The following CCDC144A variants were observed in gnomAD, a reference collection of about 807,000 sequenced individuals.
The protein encoded by CCDC144A is coiled-coil domain containing 144A.
Under a neutral mutation model 143.8 loss-of-function variants are expected in CCDC144A, and 41 were observed. The ratio of observed to expected loss-of-function variants is 0.29; its 90% CI spans 0.22 to 0.37. CCDC144A has a LOEUF of 0.37. CCDC144A is among the 10% of genes least tolerant of loss of function. The pLI, the probability that CCDC144A is intolerant of heterozygous loss-of-function variation, is 1.00. For synonymous variants in CCDC144A, 242 were observed against 517.9 expected (o/e 0.47, Z 7.23); for missense variants, 637 against 1,488.8 (o/e 0.43, Z 9.41).
At chr17:16,771,184 T>C (rs561263149) in intron 15 of CCDC144A, among the ~76,000 whole-genome samples, 1 of 152,260 alleles carries the variant, frequency 6.6e-6, no homozygotes, top group Admixed American at 6.5e-5. Context: ...CTTTCATAAT[T>C]AAGTAGATAA....
chr17:16,761,192 G>T (rs1429108518), intron 12 of CCDC144A, among the ~76,000 whole-genome samples: 1 of 152,086 alleles, frequency 6.6e-6, no homozygotes, highest in Non-Finnish European at 1.5e-5. Context: ...AAAAAATTTA[G>T]CCAGGGGTGG....
chr17:16,730,841 A>G (rs1172594199), intron 9 of CCDC144A, among the ~76,000 whole-genome samples: 1 of 142,798 alleles, frequency 7.0e-6, no homozygotes, highest in Admixed American at 6.9e-5. Context: ...GTGTACATTG[A>G]TTTTGTAACA....
rs375692658 is a variant in CCDC144A at position 16,757,996 on chromosome 17, A to G, written c.3373-3429A>G. ...TATCAATTTCCTGCTGAATTCCAGT[A>G]TACTCTCTTTGATGTTTTCCTCAAG... On this transcript the variant is annotated intron_variant, in intron 12 of 16. Transcript: ENST00000399273. Among the ~76,000 whole-genome samples, 11 of 152,202 alleles carry G rather than the reference A, an allele frequency of 7.2e-5. No homozygotes were observed. In the East Asian group the frequency reaches 1.4e-3, roughly 19 times the overall value.
intron 8 of CCDC144A, among the ~76,000 whole-genome samples, chr17:16,726,694 G>A (rs1220423402): frequency 6.6e-6 from 1 of 152,040 alleles, no homozygotes; most frequent in East Asian, 1.9e-4. Context: ...ATCTGGGGCG[G>A]TTTTCTGGCA....
At chr17:16,716,987 G>C (rs1457099545) in intron 6 of CCDC144A, among the ~76,000 whole-genome samples, 1 of 150,760 alleles carries the variant, frequency 6.6e-6, no homozygotes, top group Admixed American at 6.6e-5. Flanking sequence ...CTAATTTTTT[G>C]TATTTTTAGT....
chr17:16,677,466 T>C, the CCDC144A span, among the ~76,000 whole-genome samples: 3 of 151,970 alleles, frequency 2.0e-5, no homozygotes, highest in African/African-American at 7.2e-5. Context: ...CCCCTCAAAT[T>C]CGTGTGTTAA....
intron 2 of CCDC144A, among the ~76,000 whole-genome samples, chr17:16,695,667 G>C (rs1165790445): frequency 6.6e-6 from 1 of 151,204 alleles, no homozygotes; most frequent in Non-Finnish European, 1.5e-5. Flanking sequence ...TTAATTATTT[G>C]ATGAATTATT....
chr17:16,757,178 C>T (rs1412695593), intron 12 of CCDC144A, among the ~76,000 whole-genome samples: 2 of 152,254 alleles, frequency 1.3e-5, no homozygotes, highest in African/African-American at 4.8e-5. Context: ...ACACTTGTGG[C>T]ACTGGAGATG....
At chr17:16,699,494 G>A (rs1911603991) in intron 2 of CCDC144A, among the ~76,000 whole-genome samples, 1 of 59,968 alleles carries the variant, frequency 1.7e-5, no homozygotes, top group Non-Finnish European at 3.1e-5. Context: ...TCCTGCCTCA[G>A]CCTCCTGAGT....
Position 16,711,146 on chromosome 17 carries a change from A to AAAAAAAC in CCDC144A, c.1579-527_1579-526insCAAAAAA, listed in dbSNP as rs1445214358. On this transcript the variant is annotated intron_variant, in intron 5 of 16. Coordinates refer to ENST00000399273, the MANE Select transcript of CCDC144A (RefSeq NM_001382000.1). The stretch of plus-strand genomic sequence containing the variant: ...TCCCAGGATTCAAATGAAAAAAAAA[A>AAAAAAAC]AAAAAAAAAAAACAAAAGTTAGTGG... 4.8e-5 allele frequency among the ~76,000 whole-genome samples: 6 copies of AAAAAAAC among 124,584 alleles called. No individual in the cohort carries two copies. In the East Asian group the frequency reaches 8.3e-4, roughly 17 times the overall value. 81.7% of individuals were successfully genotyped at this position (124,584 alleles called of 152,430 possible).
chr17:16,709,423 C>T lies in CCDC144A; in HGVS notation c.1366C>T (p.Gln456Ter). ...FDLQMTKNMN[Q>*]NSDSGSTNNY... ...TTTGCAAATGACAAAAAATATGAAC[C>T]AAAATAGTGACAGTGGCAGTACAAA... The change falls in exon 5 of 17, where the codon CAA (glutamine) becomes TAA (stop). Residue 456 changes from glutamine (Q) to a stop codon, truncating the protein, a stop_gained. Coordinates refer to ENST00000399273, the MANE Select transcript of CCDC144A (RefSeq NM_001382000.1). LOFTEE classifies it high-confidence loss of function. 1 of 1,611,388 alleles carries T rather than the reference C, an allele frequency of 6.2e-7. No homozygotes were observed.
In CCDC144A at chr17:16,776,736, T is replaced by C. The variant is rs1295874109; in HGVS notation, c.*3103T>C. 1.3e-5 allele frequency: 2 copies of C among 151,932 alleles called. No homozygotes were observed. The highest frequency in any genetic ancestry group is 2.4e-5 in the African/African-American group (1 of 41,328). 9.4% of individuals were successfully genotyped at this position (151,932 alleles called of 1,614,324 possible). The stretch of plus-strand genomic sequence containing the variant: ...GCCTTGGTGAGAATTTCTAATACTG[T>C]GTTGAATAGGAGTGGTGAGAGAGGG... On this transcript the variant is annotated 3_prime_UTR_variant, in exon 17 of 17. Coordinates refer to ENST00000399273, the MANE Select transcript of CCDC144A (RefSeq NM_001382000.1).
rs1353805333 is a variant in CCDC144A, at chr17:16,776,272, T to C, written c.*2639T>C. Reference sequence around the variant, plus strand: ...AATAGTAGTTTAATGGGCCTAGCATTTAATTTACAGATTGCCTTGGGCAGT... The same window carrying C: ...AATAGTAGTTTAATGGGCCTAGCATCTAATTTACAGATTGCCTTGGGCAGT... On this transcript the variant is annotated 3_prime_UTR_variant, in exon 17 of 17. Coordinates refer to ENST00000399273, the MANE Select transcript of CCDC144A (RefSeq NM_001382000.1). 1 of 152,272 alleles carries C rather than the reference T, an allele frequency of 6.6e-6. No individual in the cohort carries two copies. Among genetic ancestry groups the C allele is most frequent in the Admixed American group, 6.5e-5 (1 of 15,288 alleles). The allele number at this position is 152,272 out of a possible 1,614,324, so 9.4% of individuals were successfully genotyped here.
At chr17:16,672,952 T>C in the CCDC144A span, among the ~76,000 whole-genome samples, 1 of 152,128 alleles carries the variant, frequency 6.6e-6, no homozygotes, top group Non-Finnish European at 1.5e-5. Context: ...TATAGATAGA[T>C]AGGGGGTCAC....
chr17:16,777,445 T>C lies in CCDC144A; in HGVS notation c.*3812T>C, dbSNP rs1367733301. 3.3e-5 allele frequency: 5 copies of C among 149,670 alleles called. No homozygotes were observed. Among genetic ancestry groups the C allele is most frequent in the Admixed American group, 6.7e-5 (1 of 15,000 alleles). 9.3% of individuals were successfully genotyped at this position (149,670 alleles called of 1,614,324 possible). ...TCAGAACACGGGACATTCTCCAAAATAGACCATATGATAGGGCACAAAACA... is the reference window on the plus strand; with the variant it reads ...TCAGAACACGGGACATTCTCCAAAACAGACCATATGATAGGGCACAAAACA... On this transcript the variant is annotated 3_prime_UTR_variant, in exon 17 of 17. Coordinates refer to ENST00000399273, the MANE Select transcript of CCDC144A (RefSeq NM_001382000.1).
chr17:16,682,200 TGG>T, the CCDC144A span, among the ~76,000 whole-genome samples: 72 of 65,920 alleles, frequency 1.1e-3, no homozygotes, highest in Non-Finnish European at 1.4e-3. Flanking sequence ...GATCTGAAAA[TGG>T]GTGTGTGTGT....
At chr17:16,672,784 T>C in the CCDC144A span, among the ~76,000 whole-genome samples, 1 of 152,200 alleles carries the variant, frequency 6.6e-6, no homozygotes, top group Non-Finnish European at 1.5e-5. Context: ...CTCATAATAC[T>C]ATAAATGGAA....
chr17:16,731,105 A>G (rs1409931824), intron 9 of CCDC144A: 1 of 152,106 alleles, frequency 6.6e-6, no homozygotes, highest in African/African-American at 2.4e-5. Flanking sequence ...CATTGTTGAA[A>G]CACATATTAT....
the CCDC144A span, among the ~76,000 whole-genome samples, chr17:16,675,478 C>T: frequency 6.6e-6 from 1 of 150,840 alleles, no homozygotes; most frequent in Non-Finnish European, 1.5e-5. Flanking sequence ...TTGGGAAATG[C>T]TTACAGCTTC....
Sources: allele counts gnomAD v4.1 joint callset (sites outside exome capture counted in the v4.1 genomes callset), GRCh38; gene constraint gnomAD v4.1.1; transcripts MANE v1.5; gene names NCBI Gene and HGNC (gene_info 2026-07-23, HGNC 2026-07-21).